The following CDH12 variants were observed in gnomAD, a reference collection of about 807,000 sequenced individuals.
CDH12 encodes cadherin 12, also known as cadherin-12.
Under a neutral mutation model 74.1 loss-of-function variants are expected in CDH12, and 41 were observed. The ratio of observed to expected loss-of-function variants is 0.55; its 90% CI spans 0.43 to 0.72. The LOEUF (loss-of-function observed/expected upper bound fraction) is 0.72. Among genes scored for constraint, CDH12 ranks in the 30% least tolerant of loss-of-function variants. CDH12 has a pLI of 0.00. For synonymous variants in CDH12, 399 were observed against 355.0 expected, an observed-to-expected ratio of 1.12 and a Z score of -1.39; for missense variants, 945 against 977.2, an observed-to-expected ratio of 0.97 and a Z score of 0.44.
intron 1 of CDH12, among the ~76,000 whole-genome samples, chr5:22,763,346 A>G (rs1354646293): frequency 6.6e-6 from 1 of 151,980 alleles, no homozygotes; most frequent in Non-Finnish European, 1.5e-5. Context: ...TCATTATCAC[A>G]ATATAAAAGA....
chr5:22,593,323 A>G (rs1208328113), intron 1 of CDH12, among the ~76,000 whole-genome samples: 1 of 152,070 alleles, frequency 6.6e-6, no homozygotes, highest in Non-Finnish European at 1.5e-5. Flanking sequence ...TATTTCTAAT[A>G]TTTGCTAAAA....
intron 5 of CDH12, among the ~76,000 whole-genome samples, chr5:22,054,975 T>A (rs1172445704): frequency 6.6e-6 from 1 of 152,184 alleles, no homozygotes; most frequent in Non-Finnish European, 1.5e-5. Flanking sequence ...GGCTGTATAA[T>A]TTGTCATCCA....
intron 1 of CDH12, among the ~76,000 whole-genome samples, chr5:22,738,997 G>GC (rs1434038067): frequency 2.0e-5 from 3 of 152,024 alleles, no homozygotes; most frequent in African/African-American, 7.2e-5. Flanking sequence ...ACTAATTTTG[G>GC]TGTGCCCTTT....
chr5:22,650,620 C>T (rs1739686411), intron 1 of CDH12, among the ~76,000 whole-genome samples: 2 of 152,090 alleles, frequency 1.3e-5, no homozygotes, highest in Non-Finnish European at 1.5e-5. Context: ...GCTCATTATG[C>T]ACTGCACTGT....
At chr5:22,792,496 G>A (rs980098017) in intron 1 of CDH12, among the ~76,000 whole-genome samples, 4 of 152,166 alleles carry the variant, frequency 2.6e-5, no homozygotes, top group Non-Finnish European at 5.9e-5. Context: ...TTTAGTTTTT[G>A]TTGCAGTTTG....
At chr5:22,517,659 A>G (rs1736864417) in intron 1 of CDH12, among the ~76,000 whole-genome samples, 1 of 152,204 alleles carries the variant, frequency 6.6e-6, no homozygotes, top group Admixed American at 6.5e-5. Flanking sequence ...AAAATAAAGC[A>G]TCAACATCTG....
chr5:22,770,062 T>G (rs1235742380), intron 1 of CDH12, among the ~76,000 whole-genome samples: 1 of 151,532 alleles, frequency 6.6e-6, no homozygotes, highest in Admixed American at 6.6e-5. Flanking sequence ...TCATTTTTTC[T>G]ATCAGGTAAT....
chr5:22,209,053 T>C lies in CDH12; in HGVS notation c.-187+3445A>G, dbSNP rs192104408. 4.4e-3 allele frequency among the ~76,000 whole-genome samples: 664 copies of C among 152,340 alleles called. 4 individuals carry two copies. Among genetic ancestry groups the C allele is most frequent in the Admixed American group, 5.7e-3 (87 of 15,300 alleles). ...CTGTTATTTACAGTATCTGGTACAA[T>C]GTCATCTCTTTCCAGATTTGGGAAC... On this transcript the variant is annotated intron_variant, in intron 4 of 14. Transcript: ENST00000382254.
At chr5:21,883,214 T>G in intron 6 of CDH12, 1 of 1,379,002 alleles carries the variant, frequency 7.3e-7, no homozygotes. Context: ...AAACACTGAA[T>G]GATGAATTAG....
At position 21,755,801 on chromosome 5, in the gene CDH12, G is replaced by A. The variant is rs372690961; in HGVS notation, c.1675C>T (p.Arg559Cys). The change falls in exon 14 of 15, where the codon CGC becomes TGC. Residue 559 changes from arginine to cysteine, a missense_variant. Around this residue, in one of 3 missense-constraint regions of CDH12, gnomAD observed 791 missense variants for 792.8 expected, o/e 1.00. Transcript: ENST00000382254. Reference protein sequence around the residue: ...GIETRRNGYSRRQQELYFLPV... With the variant: ...GIETRRNGYSCRQQELYFLPV... Reference sequence around the variant, plus strand: ...AGGAAATACAACTCTTGCTGCCTGCGGCTGTATCCATTTCTTCGGGTTTCA... The same window carrying A: ...AGGAAATACAACTCTTGCTGCCTGCAGCTGTATCCATTTCTTCGGGTTTCA... 15 of 1,613,696 alleles carry A rather than the reference G, an allele frequency of 9.3e-6. No homozygotes were observed. Among genetic ancestry groups the A allele is most frequent in the African/African-American group, 2.7e-5 (2 of 74,880 alleles).
intron 10 of CDH12, among the ~76,000 whole-genome samples, chr5:21,791,576 T>TA (rs1293684446): frequency 3.3e-5 from 5 of 151,898 alleles, no homozygotes; most frequent in Non-Finnish European, 7.4e-5. Flanking sequence ...ATCTCATACT[T>TA]ATTTGGTGAG....
intron 4 of CDH12, among the ~76,000 whole-genome samples, chr5:22,096,022 G>A (rs563314491): frequency 6.6e-6 from 1 of 151,710 alleles, no homozygotes; most frequent in South Asian, 2.1e-4. Context: ...TTTTCTGGAG[G>A]GTAAGAACCC....
intron 1 of CDH12, among the ~76,000 whole-genome samples, chr5:22,683,053 A>G (rs976061043): frequency 6.6e-6 from 1 of 152,118 alleles, no homozygotes; most frequent in Non-Finnish European, 1.5e-5. Flanking sequence ...AATTCCATGT[A>G]GGTTTATTCT....
At chr5:22,117,126 A>C (rs1050104849) in intron 4 of CDH12, among the ~76,000 whole-genome samples, 4 of 151,434 alleles carry the variant, frequency 2.6e-5, no homozygotes, top group Non-Finnish European at 5.9e-5. Flanking sequence ...TTTCTGGGTC[A>C]CGGTTTCATC....
chr5:22,382,319 A>T (rs1741801113), intron 3 of CDH12, among the ~76,000 whole-genome samples: 1 of 149,326 alleles, frequency 6.7e-6, no homozygotes, highest in South Asian at 2.1e-4. Context: ...GTCTACATAC[A>T]TATAGAAAAA....
chr5:22,444,713 T>C (rs1013714892), intron 2 of CDH12, among the ~76,000 whole-genome samples: 1 of 152,088 alleles, frequency 6.6e-6, no homozygotes, highest in Non-Finnish European at 1.5e-5. Flanking sequence ...TTGAGACTTT[T>C]AAACAGAAAC....
chr5:22,466,979 G>A (rs1029639334), intron 2 of CDH12, among the ~76,000 whole-genome samples: 4 of 147,484 alleles, frequency 2.7e-5, no homozygotes, highest in African/African-American at 7.5e-5. Context: ...AGTAGACACG[G>A]GGTTTCACCA....
chr5:22,059,131 A>G (rs1390041178), intron 5 of CDH12, among the ~76,000 whole-genome samples: 1 of 152,148 alleles, frequency 6.6e-6, no homozygotes, highest in Non-Finnish European at 1.5e-5. Flanking sequence ...TAAGAAAGAT[A>G]GGTTTAAATA....
At chr5:22,349,789 C>G (rs950048582) in intron 3 of CDH12, among the ~76,000 whole-genome samples, 1 of 152,166 alleles carries the variant, frequency 6.6e-6, no homozygotes, top group Non-Finnish European at 1.5e-5. Context: ...GGCTGGAGTG[C>G]AGTGGCGCAA....
Sources: gnomAD v4.1 joint callset for allele counts (sites outside exome capture counted in the v4.1 genomes callset) on GRCh38, gnomAD v4.1.1 for gene constraint, gnomAD v4.1.1 regional missense constraint, MANE v1.5 for transcripts, NCBI Gene and HGNC (gene_info 2026-07-23, HGNC 2026-07-21) for gene names.